Variants in SMYD4 observed in about 807,000 individuals in gnomAD.
SMYD4 encodes SET and MYND domain containing 4.
In SMYD4, 68 loss-of-function variants were observed where a neutral mutation model predicts 72.8. The observed-to-expected ratio is 0.93, with a 90% CI of 0.77 to 1.14. The LOEUF (loss-of-function observed/expected upper bound fraction) is 1.14. Ranked by LOEUF, SMYD4 falls within the 50% of genes most tolerant of loss-of-function variation. The pLI is 0.00. For missense variants in SMYD4, 984 were observed against 1,003.7 expected (o/e 0.98, Z 0.27); for synonymous variants, 407 against 388.6 (o/e 1.05, Z -0.56).
intron 2 of SMYD4, among the ~76,000 whole-genome samples, chr17:1,812,480 G>A (rs1910376796): frequency 6.6e-6 from 1 of 151,628 alleles, no homozygotes; most frequent in African/African-American, 2.4e-5. Context: ...TTTAGTAGAG[G>A]TGGGGTTTTG....
chr17:1,795,462 T>C, intron 5 of SMYD4, among the ~76,000 whole-genome samples: 1 of 150,470 alleles, frequency 6.6e-6, no homozygotes, highest in African/African-American at 2.4e-5. Context: ...TATCTATCTA[T>C]CTAAGAGACT....
Position 1,812,100 on chromosome 17 carries a change from C to A in SMYD4, c.150G>T (p.Leu50=), listed in dbSNP as rs1910359965. ...SSSLLQPEDE[L]FLKRLSKGYL... Reference sequence around the variant, plus strand: ...AACCTTTAGAAAGTCTTTTTAGAAACAGCTCATCCTCAGGTCTGCATGAAG... The same window carrying A: ...AACCTTTAGAAAGTCTTTTTAGAAAAAGCTCATCCTCAGGTCTGCATGAAG... The change falls in exon 3 of 11, where the codon CTG becomes CTT. Residue 50 remains leucine, a synonymous_variant. Coordinates refer to ENST00000305513, the MANE Select transcript of SMYD4 (RefSeq NM_052928.3). The A allele has an allele frequency of 6.2e-7, 1 of 1,613,972 alleles. No individual in the cohort carries two copies. The highest frequency in any genetic ancestry group is 2.2e-5 in the East Asian group (1 of 44,882).
chr17:1,813,498 G>A (rs915647163), intron 2 of SMYD4, among the ~76,000 whole-genome samples: 1 of 151,976 alleles, frequency 6.6e-6, no homozygotes, highest in Non-Finnish European at 1.5e-5. Context: ...TCGGCTCACT[G>A]CAACCTCCGC....
chr17:1,805,139 G>A (rs571872323), intron 3 of SMYD4, among the ~76,000 whole-genome samples: 2 of 152,238 alleles, frequency 1.3e-5, no homozygotes, highest in Admixed American at 1.3e-4. Context: ...ATACTAGGCT[G>A]GGTGCAGTGG....
At chr17:1,817,669 T>A (rs1910682867) in intron 2 of SMYD4, among the ~76,000 whole-genome samples, 1 of 151,974 alleles carries the variant, frequency 6.6e-6, no homozygotes, top group Non-Finnish European at 1.5e-5. Context: ...GTACAGTTTA[T>A]TTTTTTTGTT....
At chr17:1,804,163 C>T (rs374341224) in intron 4 of SMYD4, among the ~76,000 whole-genome samples, 2 of 151,576 alleles carry the variant, frequency 1.3e-5, no homozygotes, top group East Asian at 3.9e-4. Flanking sequence ...GCATGAGCCA[C>T]TGTGCCTGGC....
At chr17:1,827,310 G>C (rs1318259287) in intron 2 of SMYD4, among the ~76,000 whole-genome samples, 2 of 150,916 alleles carry the variant, frequency 1.3e-5, no homozygotes, top group African/African-American at 4.9e-5. Context: ...CTGCACTCTA[G>C]CCTGGGTGAC....
chr17:1,804,102 C>G (rs918981025), intron 4 of SMYD4, among the ~76,000 whole-genome samples: 1 of 151,326 alleles, frequency 6.6e-6, no homozygotes, highest in East Asian at 2.0e-4. Flanking sequence ...GTCTTGAACT[C>G]CAGACCTCAT....
chr17:1,801,405 T>A (rs566979828), intron 4 of SMYD4, among the ~76,000 whole-genome samples: 4 of 150,146 alleles, frequency 2.7e-5, no homozygotes, highest in African/African-American at 9.7e-5. Context: ...CACCCAGCTA[T>A]TTTTTTTTGT....
chr17:1,823,972 C>T (rs556556833), intron 2 of SMYD4, among the ~76,000 whole-genome samples: 3 of 152,280 alleles, frequency 2.0e-5, no homozygotes, highest in Middle Eastern at 3.4e-3. Context: ...TTCAGATAGC[C>T]TAGTTTCATA....
At chr17:1,820,162 A>G (rs929678787) in intron 2 of SMYD4, among the ~76,000 whole-genome samples, 4 of 152,242 alleles carry the variant, frequency 2.6e-5, no homozygotes, top group East Asian at 3.9e-4. Context: ...ATCATAAACT[A>G]TTATCACCAT....
chr17:1,813,484 G>A (rs565141762), intron 2 of SMYD4, among the ~76,000 whole-genome samples: 1 of 151,988 alleles, frequency 6.6e-6, no homozygotes, highest in East Asian at 1.9e-4. Flanking sequence ...GCACTGGCAC[G>A]ATCTCGGCTC....
chr17:1,788,530 G>T (rs1908828177), intron 5 of SMYD4, among the ~76,000 whole-genome samples: 1 of 152,018 alleles, frequency 6.6e-6, no homozygotes, highest in Non-Finnish European at 1.5e-5. Flanking sequence ...CAGATCACAA[G>T]GTCAGGAGAT....
intron 5 of SMYD4, among the ~76,000 whole-genome samples, chr17:1,790,611 G>C (rs1410777832): frequency 6.6e-6 from 1 of 151,972 alleles, no homozygotes; most frequent in African/African-American, 2.4e-5. Context: ...CCGCCTCCTG[G>C]GTTCAAGCGA....
chr17:1,779,622 G>A lies in SMYD4; in HGVS notation c.*1664C>T, dbSNP rs991827016. On this transcript the variant is annotated 3_prime_UTR_variant, in exon 11 of 11. Coordinates refer to ENST00000305513, the MANE Select transcript of SMYD4 (RefSeq NM_052928.3). ...AAGAGTACAGAATGAAGGGCAGAGA[G>A]TAAGGACTGGAAAACTGGCAGGAAA... 6.6e-6 allele frequency: 1 copy of A among 152,276 alleles called. No individual in the cohort carries two copies. The highest frequency in any genetic ancestry group is 2.4e-5 in the African/African-American group (1 of 41,480). The allele number at this position is 152,276 out of a possible 1,614,324, so 9.4% of individuals were successfully genotyped here. A position where few individuals can be genotyped will look rare whatever the true frequency, so the allele number is the denominator to read the frequency against.
Position 1,800,006 on chromosome 17 carries a change from G to A in SMYD4, c.1388C>T (p.Pro463Leu). 1 of 1,614,166 alleles carries A rather than the reference G, an allele frequency of 6.2e-7. No individual in the cohort carries two copies. Residue 463 changes from proline (P) to leucine (L), a missense_variant, in exon 5 of 11, where the codon CCA becomes CTA. By Grantham distance (98) the Pro-to-Leu change is moderately conservative (BLOSUM62 -3). Coordinates refer to ENST00000305513, the MANE Select transcript of SMYD4 (RefSeq NM_052928.3). ...QLEAASLQAI[P>L]TERIVNSSQL... ...AGAGGAGTTCACAATCCTCTCAGTT[G>A]GGATGGCCTGTAAACTGGCTGCTTC...
intron 5 of SMYD4, among the ~76,000 whole-genome samples, chr17:1,792,894 A>G (rs892593927): frequency 1.3e-5 from 2 of 151,900 alleles, no homozygotes; most frequent in African/African-American, 4.8e-5. Context: ...CAGTACCACA[A>G]CCCGGCTTTA....
At position 1,792,105 on chromosome 17, in the gene SMYD4, C is replaced by T. The variant is rs577813787; in HGVS notation, c.1538-4501G>A. ...CCAGGCTGGAGTGAGTGCAGGGGCG[C>T]GATCGCGGCTCAGTGCAAGCTCCGC... is the stretch of plus-strand genomic sequence containing the variant. On this transcript the variant is annotated intron_variant, in intron 5 of 10. Coordinates refer to ENST00000305513, the MANE Select transcript of SMYD4 (RefSeq NM_052928.3). 1.5e-3 allele frequency among the ~76,000 whole-genome samples: 230 copies of T among 151,686 alleles called. 1 individual carries two copies. Among genetic ancestry groups the T allele is most frequent in the African/African-American group, 5.3e-3 (218 of 41,400 alleles).
chr17:1,806,023 G>A (rs1330537943), intron 3 of SMYD4, among the ~76,000 whole-genome samples: 4 of 149,288 alleles, frequency 2.7e-5, no homozygotes, highest in Middle Eastern at 3.6e-3. Flanking sequence ...TCCCGGGTTC[G>A]CGCCATTCTC....
Sources: allele counts gnomAD v4.1 joint callset (sites outside exome capture counted in the v4.1 genomes callset), GRCh38; gene constraint gnomAD v4.1.1; transcripts MANE v1.5; gene names NCBI Gene and HGNC (gene_info 2026-07-23, HGNC 2026-07-21).